F2R: variants seen among roughly 807,000 people sequenced by gnomAD.
F2R encodes the protein coagulation factor II thrombin receptor.
A neutral mutation model predicts 18.3 loss-of-function variants in F2R; 12 were observed. The ratio of observed to expected loss-of-function variants is 0.66; its 90% CI spans 0.42 to 1.06. F2R has a LOEUF of 1.06. Among genes scored for constraint, F2R ranks in the 50% least tolerant of loss-of-function variants. F2R has a pLI of 0.00. For missense variants in F2R, 438 were observed against 530.8 expected (o/e 0.83, Z 1.72); for synonymous variants, 210 against 219.9 (o/e 0.95, Z 0.40).
chr5:76,716,547 C>T (rs565320719), intron 1 of F2R, 152 bp downstream of exon 1: 22 of 753,044 alleles, frequency 2.9e-5, no homozygotes, highest in Non-Finnish European at 4.4e-5. Context: ...TTTCCAGTCA[C>T]GTTTAGGTGG....
intron 1 of F2R, among the ~76,000 whole-genome samples, chr5:76,722,322 A>G (rs1748476143): frequency 2.6e-5 from 4 of 152,170 alleles, no homozygotes; most frequent in Admixed American, 1.3e-4. Flanking sequence ...AGAGCTCAGG[A>G]CCTGTAACTT....
At chr5:76,732,272 T>C (rs1561631273) in intron 1 of F2R, 42 bp from the exon 2 acceptor site, 2 of 1,483,030 alleles carry the variant, frequency 1.3e-6, no homozygotes, top group Non-Finnish European at 9.0e-7. Context: ...TGTTGATGCG[T>C]TCACTTTTTA....
intron 1 of F2R, among the ~76,000 whole-genome samples, chr5:76,718,350 T>C (rs547081034): frequency 2.2e-4 from 34 of 152,220 alleles, no homozygotes; most frequent in African/African-American, 8.2e-4. Flanking sequence ...CCACCATGCA[T>C]TGACAATTCT....
chr5:76,722,401 C>T (rs1748478425), intron 1 of F2R, among the ~76,000 whole-genome samples: 1 of 152,206 alleles, frequency 6.6e-6, no homozygotes, highest in African/African-American at 2.4e-5. Flanking sequence ...GCAAGGCCTG[C>T]TAGCATCCTC....
rs1221288230 is a variant in F2R, at chr5:76,734,521, G to A, written c.*1018G>A. 5 of 152,464 alleles carry A rather than the reference G, an allele frequency of 3.3e-5. No individual in the cohort carries two copies. The highest frequency in any genetic ancestry group is 7.3e-5 in the Non-Finnish European group (5 of 68,056). 9.4% of individuals were successfully genotyped at this position (152,464 alleles called of 1,614,324 possible). On this transcript the variant is annotated 3_prime_UTR_variant, in exon 2 of 2. Transcript: ENST00000319211. ...CTTCTCTACCCATCTTAAAAACAAC[G>A]AAAGAAGGCATGGACTTCTGGATGC...
chr5:76,733,358 G>A lies in F2R; in HGVS notation c.1133G>A (p.Cys378Tyr), dbSNP rs1398176343. The A allele has an allele frequency of 1.9e-6, 3 of 1,614,112 alleles. No homozygotes were observed. The highest frequency in any genetic ancestry group is 2.5e-6 in the Non-Finnish European group (3 of 1,179,990). Residue 378 changes from cysteine to tyrosine, a missense_variant, in exon 2 of 2, where the codon TGC becomes TAC. Coordinates refer to ENST00000319211, the MANE Select transcript of F2R (RefSeq NM_001992.5). ...ATTTACTATTACGCTTCCTCTGAGT[G>A]CCAGAGGTACGTCTACAGTATCTTA... ...PLIYYYASSECQRYVYSILCC... is the reference protein window; with the variant it reads ...PLIYYYASSEYQRYVYSILCC...
At position 76,735,625 on chromosome 5, in the gene F2R, C is replaced by T. The variant is rs1748769372; in HGVS notation, c.*2122C>T. 1 of 152,046 alleles carries T rather than the reference C, an allele frequency of 6.6e-6. No homozygotes were observed. The highest frequency in any genetic ancestry group is 2.4e-5 in the African/African-American group (1 of 41,416). The allele number at this position is 152,046 out of a possible 1,614,324, so 9.4% of individuals were successfully genotyped here. On this transcript the variant is annotated 3_prime_UTR_variant, in exon 2 of 2. Transcript: ENST00000319211. ...TAGTGACTATTCATTTTATCTAAAT[C>T]AGTGAAGATTTACTGTCATTGTTTA...
At chr5:76,718,985 TTAC>T (rs1449035922) in intron 1 of F2R, among the ~76,000 whole-genome samples, 1 of 152,044 alleles carries the variant, frequency 6.6e-6, no homozygotes, top group Non-Finnish European at 1.5e-5. Context: ...CCATCTCCTA[TTAC>T]TCACCCTCCA....
intron 1 of F2R, among the ~76,000 whole-genome samples, chr5:76,729,317 T>A (rs747649377): frequency 6.6e-6 from 1 of 152,244 alleles, no homozygotes; most frequent in Non-Finnish European, 1.5e-5. Flanking sequence ...TTGAAAAATG[T>A]CTATTCAGAT....
intron 1 of F2R, among the ~76,000 whole-genome samples, chr5:76,722,172 A>G (rs1159580466): frequency 6.6e-6 from 1 of 152,192 alleles, no homozygotes; most frequent in South Asian, 2.1e-4. Context: ...TACAACTCAC[A>G]GTATTTTGTA....
chr5:76,721,866 C>T (rs1204060393), intron 1 of F2R, among the ~76,000 whole-genome samples: 1 of 151,132 alleles, frequency 6.6e-6, no homozygotes. Context: ...GCATTGTATG[C>T]ATTTTGATAT....
At chr5:76,722,856 C>T (rs1273726937) in intron 1 of F2R, among the ~76,000 whole-genome samples, 1 of 151,434 alleles carries the variant, frequency 6.6e-6, no homozygotes, top group Non-Finnish European at 1.5e-5. Context: ...GAGGCTGAGG[C>T]AGGAGAATCT....
chr5:76,726,412 T>G (rs2150581931), intron 1 of F2R, among the ~76,000 whole-genome samples: 1 of 152,164 alleles, frequency 6.6e-6, no homozygotes, highest in African/African-American at 2.4e-5. Context: ...GCACCTGTAG[T>G]CCCAGCTACT....
chr5:76,717,542 G>T (rs751753438), intron 1 of F2R, among the ~76,000 whole-genome samples: 1 of 152,136 alleles, frequency 6.6e-6, no homozygotes, highest in Non-Finnish European at 1.5e-5. Flanking sequence ...TGTTCAGGGT[G>T]AGTTTTGAGA....
chr5:76,727,441 A>T (rs113554489), intron 1 of F2R, among the ~76,000 whole-genome samples: 2 of 152,308 alleles, frequency 1.3e-5, no homozygotes, highest in African/African-American at 4.8e-5. Context: ...AACAGTTCTT[A>T]CCCTTAAGGA....
At chr5:76,730,227 C>A (rs1474592361) in intron 1 of F2R, among the ~76,000 whole-genome samples, 2 of 152,130 alleles carry the variant, frequency 1.3e-5, no homozygotes, top group African/African-American at 4.8e-5. Context: ...AGAGGTGCTT[C>A]TCATCTTTCC....
Position 76,735,544 on chromosome 5 carries a change from A to C in F2R, c.*2041A>C, listed in dbSNP as rs1277726034. ...ATTTCCAAATACCATAGAATAACTT[A>C]CATAAAAGTAATATAACTGTATTGT... On this transcript the variant is annotated 3_prime_UTR_variant, in exon 2 of 2. Coordinates refer to ENST00000319211, the MANE Select transcript of F2R (RefSeq NM_001992.5). 1.3e-5 allele frequency: 2 copies of C among 152,196 alleles called. No individual in the cohort carries two copies. The highest frequency in any genetic ancestry group is 2.9e-5 in the Non-Finnish European group (2 of 68,044). 9.4% of individuals were successfully genotyped at this position (152,196 alleles called of 1,614,324 possible).
chr5:76,725,826 C>T (rs929162313), intron 1 of F2R, among the ~76,000 whole-genome samples: 1 of 152,140 alleles, frequency 6.6e-6, no homozygotes, highest in Non-Finnish European at 1.5e-5. Flanking sequence ...CTGAGGCCTA[C>T]CCAGAGAAGA....
chr5:76,718,949 C>T (rs1432749734), intron 1 of F2R, among the ~76,000 whole-genome samples: 3 of 152,098 alleles, frequency 2.0e-5, no homozygotes, highest in Admixed American at 2.0e-4. Context: ...CCTCCCCTTG[C>T]AGGAGGGTCC....
Sources: allele counts gnomAD v4.1 joint callset (sites outside exome capture counted in the v4.1 genomes callset), GRCh38; gene constraint gnomAD v4.1.1; transcripts MANE v1.5; gene names NCBI Gene and HGNC (gene_info 2026-07-23, HGNC 2026-07-21).